The following LNX1 variants were observed in gnomAD, a reference collection of about 807,000 sequenced individuals.
LNX1 encodes the protein E3 ubiquitin-protein ligase LNX.
In LNX1, 54 loss-of-function variants were observed where a neutral mutation model predicts 68.4. That is an observed-to-expected ratio of 0.79 (90% confidence interval 0.63 to 0.99). The LOEUF (loss-of-function observed/expected upper bound fraction) is 0.99. LNX1 is among the 50% of genes least tolerant of loss of function. The pLI is 0.00. For synonymous variants in LNX1, 336 were observed against 350.0 expected (o/e 0.96, Z 0.45); for missense variants, 906 against 926.4 (o/e 0.98, Z 0.29).
At chr4:53,612,012 C>T (rs976870972) in intron 2 of LNX1, among the ~76,000 whole-genome samples, 57 of 151,938 alleles carry the variant, frequency 3.8e-4, no homozygotes, top group African/African-American at 1.3e-3. Flanking sequence ...TTATAATATG[C>T]AAAGATTTGT....
chr4:53,521,702 A>G lies in LNX1; in HGVS notation c.381-13475T>C, dbSNP rs1052825561. Among the ~76,000 whole-genome samples the G allele has an allele frequency of 1.1e-4, 16 of 140,714 alleles. No homozygotes were observed. In the East Asian group the frequency reaches 1.4e-3, roughly 12 times the overall value. The allele number at this position is 140,714 out of a possible 152,430, so 92.3% of individuals were successfully genotyped here. Reference sequence around the variant, plus strand: ...AATTGTGTTATGCAAACGAAGGGGGAAAGGAGGGGATGCTTTTCCTGTTTG... The same window carrying G: ...AATTGTGTTATGCAAACGAAGGGGGGAAGGAGGGGATGCTTTTCCTGTTTG... On this transcript the variant is annotated intron_variant, in intron 2 of 10. Transcript: ENST00000263925.
chr4:53,583,737 T>C (rs1230708909), intron 1 of LNX1, among the ~76,000 whole-genome samples: 2 of 152,134 alleles, frequency 1.3e-5, no homozygotes, highest in Non-Finnish European at 2.9e-5. Flanking sequence ...GGCTAGACAA[T>C]TAGACGCAAG....
At chr4:53,639,508 T>A (rs756117841) in intron 1 of LNX1, among the ~76,000 whole-genome samples, 1 of 152,108 alleles carries the variant, frequency 6.6e-6, no homozygotes, top group Non-Finnish European at 1.5e-5. Flanking sequence ...CCAGAAAAAA[T>A]AAGGCATCTT....
chr4:53,632,549 T>C (rs1577815047), intron 1 of LNX1, among the ~76,000 whole-genome samples: 2 of 152,170 alleles, frequency 1.3e-5, no homozygotes, highest in Non-Finnish European at 2.9e-5. Flanking sequence ...AATTCTGGGG[T>C]GCAATTCATG....
chr4:53,501,859 G>A (rs1422598304), intron 4 of LNX1: 2 of 152,172 alleles, frequency 1.3e-5, no homozygotes, highest in East Asian at 3.9e-4. Context: ...TTCCTAGTGT[G>A]TCTGAGGAAA....
intron 2 of LNX1, among the ~76,000 whole-genome samples, chr4:53,605,740 C>G (rs1291322642): frequency 6.6e-6 from 1 of 152,156 alleles, no homozygotes; most frequent in African/African-American, 2.4e-5. Flanking sequence ...TCCATGTTGT[C>G]ACAAATGAGA....
At position 53,625,797 on chromosome 4, in the gene LNX1, G is replaced by A. The variant is rs143266799; in HGVS notation, c.-215+26371C>T. ...ACTCCAGCCTAGGTAACAGAGCAAGGTCCTGTCTCAAAATGTTAGTTACCA... is the reference window on the plus strand; with the variant it reads ...ACTCCAGCCTAGGTAACAGAGCAAGATCCTGTCTCAAAATGTTAGTTACCA... On this transcript the variant is annotated intron_variant, in intron 1 of 2. Transcript: ENST00000507168. Among the ~76,000 whole-genome samples the A allele has an allele frequency of 9.1e-3, 1,371 of 151,016 alleles. 13 individuals carry two copies. The highest frequency in any genetic ancestry group is 0.031 in the African/African-American group (1,290 of 41,080).
chr4:53,631,608 G>A (rs1316053539), intron 1 of LNX1, among the ~76,000 whole-genome samples: 2 of 152,112 alleles, frequency 1.3e-5, no homozygotes, highest in African/African-American at 2.4e-5. Context: ...CACATTACAA[G>A]TATCCGAGAG....
rs534120417 is a variant in LNX1, at chr4:53,564,787, G to A, written c.380+8836C>T. On this transcript the variant is annotated intron_variant, in intron 2 of 10. Coordinates refer to ENST00000263925, the MANE Select transcript of LNX1 (RefSeq NM_001126328.3). ...AGTGGGCGCAGGTCAGTGGGTGCGCGCACCCTGCGCCAGCCGAAGCAGGGC... is the reference window on the plus strand; with the variant it reads ...AGTGGGCGCAGGTCAGTGGGTGCGCACACCCTGCGCCAGCCGAAGCAGGGC... Among the ~76,000 whole-genome samples the A allele has an allele frequency of 3.1e-4, 47 of 152,260 alleles. No homozygotes were observed. The South Asian group carries it at 4.4e-3, about 14-fold the overall frequency.
chr4:53,629,714 A>C (rs1243710689), intron 1 of LNX1, among the ~76,000 whole-genome samples: 1 of 152,178 alleles, frequency 6.6e-6, no homozygotes, highest in African/African-American at 2.4e-5. Context: ...TTTTAGGGTA[A>C]TCAGAGGTGG....
chr4:53,644,973 C>T (rs2109890201), intron 1 of LNX1, among the ~76,000 whole-genome samples: 1 of 152,300 alleles, frequency 6.6e-6, no homozygotes, highest in Admixed American at 6.5e-5. Context: ...TTAGCCCCAG[C>T]CCTGAGACCT....
chr4:53,595,718 C>A (rs543084902), upstream of LNX1, among the ~76,000 whole-genome samples: 1 of 152,156 alleles, frequency 6.6e-6, no homozygotes, highest in Non-Finnish European at 1.5e-5. Flanking sequence ...ACAGGGAAAT[C>A]TAAGGGGGGA....
chr4:53,494,391 CA>C (rs1175350728), intron 6 of LNX1, among the ~76,000 whole-genome samples: 3 of 152,280 alleles, frequency 2.0e-5, no homozygotes, highest in African/African-American at 7.2e-5. Context: ...TCTTTATCAG[CA>C]GCAAGAGAAT....
At chr4:53,487,679 C>T (rs1417269857) in intron 6 of LNX1, among the ~76,000 whole-genome samples, 2 of 152,110 alleles carry the variant, frequency 1.3e-5, no homozygotes, top group East Asian at 1.9e-4. Context: ...TGCTTGATTG[C>T]GTGGGCCCCT....
At chr4:53,560,574 T>C (rs149827033) in intron 2 of LNX1, among the ~76,000 whole-genome samples, 2 of 152,194 alleles carry the variant, frequency 1.3e-5, no homozygotes, top group African/African-American at 4.8e-5. Flanking sequence ...GGGTAAGGCA[T>C]CTCAGAAGGC....
chr4:53,560,780 C>A (rs2109736849), intron 2 of LNX1, among the ~76,000 whole-genome samples: 1 of 152,300 alleles, frequency 6.6e-6, no homozygotes, highest in Middle Eastern at 3.4e-3. Context: ...GGGCTTCCTA[C>A]CCTTAGACTT....
At chr4:53,587,993 A>G (rs1732281330) in intron 1 of LNX1, among the ~76,000 whole-genome samples, 1 of 152,212 alleles carries the variant, frequency 6.6e-6, no homozygotes, top group South Asian at 2.1e-4. Context: ...TTGGCCCTCA[A>G]CGTACTACCG....
At chr4:53,604,268 A>C (rs1049574558) in intron 2 of LNX1, among the ~76,000 whole-genome samples, 1 of 152,168 alleles carries the variant, frequency 6.6e-6, no homozygotes, top group Non-Finnish European at 1.5e-5. Context: ...TTCATTTATC[A>C]CAAGCATAAT....
At chr4:53,521,383 C>T (rs966028504) in intron 2 of LNX1, among the ~76,000 whole-genome samples, 4 of 152,190 alleles carry the variant, frequency 2.6e-5, no homozygotes, top group African/African-American at 9.7e-5. Context: ...CATTCCATCG[C>T]ATTCTCAGAA....
Sources: gnomAD v4.1 joint callset for allele counts (sites outside exome capture counted in the v4.1 genomes callset) on GRCh38, gnomAD v4.1.1 for gene constraint, MANE v1.5 for transcripts, NCBI Gene and HGNC (gene_info 2026-07-23, HGNC 2026-07-21) for gene names.